Variants in CDH23 observed in about 807,000 individuals in gnomAD.
The protein encoded by CDH23 is cadherin related 23.
Under a neutral mutation model 317.1 loss-of-function variants are expected in CDH23, and 189 were observed. The ratio of observed to expected loss-of-function variants is 0.60; its 90% confidence interval spans 0.53 to 0.67. The LOEUF (loss-of-function observed/expected upper bound fraction) is 0.67. CDH23 is among the 30% of genes least tolerant of loss of function. CDH23 has a pLI of 0.00. For missense variants in CDH23, 4,401 were observed against 4,592.4 expected (o/e 0.96, Z 1.20); for synonymous variants, 1,839 against 1,876.8 (o/e 0.98, Z 0.52).
At chr10:71,591,786 T>C (rs1176445332) in intron 9 of CDH23, among the ~76,000 whole-genome samples, 1 of 152,024 alleles carries the variant, frequency 6.6e-6, no homozygotes, top group Non-Finnish European at 1.5e-5. Flanking sequence ...TGTGAAGGGC[T>C]CAGAACAGCT....
At chr10:71,401,360 C>T (rs1847774497) in intron 1 of CDH23, among the ~76,000 whole-genome samples, 2 of 152,312 alleles carry the variant, frequency 1.3e-5, no homozygotes, top group South Asian at 4.1e-4. Context: ...CTCCAGGGCA[C>T]AGGCTGCATC....
chr10:71,773,683 G>C (rs1325128098), intron 38 of CDH23, among the ~76,000 whole-genome samples: 2 of 152,198 alleles, frequency 1.3e-5, no homozygotes, highest in Non-Finnish European at 2.9e-5. Context: ...GAGCCAGCGT[G>C]CGTCCCAGCG....
At chr10:71,639,537 A>G (rs1409290276) in intron 11 of CDH23, among the ~76,000 whole-genome samples, 1 of 152,198 alleles carries the variant, frequency 6.6e-6, no homozygotes, top group Non-Finnish European at 1.5e-5. Flanking sequence ...TGTAGTGGGA[A>G]GGCCAGGAGA....
At chr10:71,767,468 CA>C (rs1203054365) in intron 38 of CDH23, among the ~76,000 whole-genome samples, 1 of 152,220 alleles carries the variant, frequency 6.6e-6, no homozygotes, top group East Asian at 1.9e-4. Flanking sequence ...GCACTAGATG[CA>C]AAAGGTCCCG....
rs568453039 is a variant in CDH23, at chr10:71,785,666, C to A, written c.5748C>A (p.Arg1916=). ...GIVTVNRPLD[R]ERIPEYKLTI... ...TCACTGTGAACCGGCCCCTGGACCGCGAGCGGATCCCAGAGTACAAGCTGA... is the reference window on the plus strand; with the variant it reads ...TCACTGTGAACCGGCCCCTGGACCGAGAGCGGATCCCAGAGTACAAGCTGA... Residue 1916 remains arginine (R), a synonymous_variant, in exon 44 of 70, where the codon CGC becomes CGA. Transcript: ENST00000224721. The A allele has an allele frequency of 6.2e-7, 1 of 1,607,380 alleles. No homozygotes were observed. Among genetic ancestry groups the A allele is most frequent in the Admixed American group, 1.7e-5 (1 of 59,314 alleles).
intron 24 of CDH23, among the ~76,000 whole-genome samples, chr10:71,703,334 G>C (rs560809358): frequency 2.2e-4 from 34 of 152,338 alleles, no homozygotes; most frequent in African/African-American, 7.9e-4. Flanking sequence ...TTAAGAGCAT[G>C]GGCCGTGGAG....
intron 3 of CDH23, among the ~76,000 whole-genome samples, chr10:71,454,840 A>ATT (rs1218063298): frequency 1.0e-5 from 1 of 98,662 alleles, no homozygotes; most frequent in African/African-American, 4.2e-5. Flanking sequence ...TTTTTTTTAC[A>ATT]TTTTATTTTT....
intron 38 of CDH23, among the ~76,000 whole-genome samples, chr10:71,744,664 C>G (rs562447060): frequency 4.6e-5 from 7 of 152,290 alleles, no homozygotes; most frequent in African/African-American, 1.7e-4. Flanking sequence ...CATACCAGCT[C>G]CCCGGTGAGA....
At chr10:71,656,546 A>G (rs929544428) in intron 14 of CDH23, among the ~76,000 whole-genome samples, 1 of 152,218 alleles carries the variant, frequency 6.6e-6, no homozygotes, top group Non-Finnish European at 1.5e-5. Flanking sequence ...AAGGAATTTC[A>G]GAGCCCATGG....
rs754128851 is a variant in CDH23, at chr10:71,725,386, A to G, written c.3445A>G (p.Asn1149Asp). The G allele has an allele frequency of 1.8e-5, 29 of 1,613,888 alleles. No individual in the cohort carries two copies. The highest frequency in any genetic ancestry group is 1.4e-5 in the Non-Finnish European group (16 of 1,179,894). Reference sequence around the variant, plus strand: ...CCTCCACACAGGTAACCATGGCAACAACTTCCGGATCCATGTCAGCAATGG... The same window carrying G: ...CCTCCACACAGGTAACCATGGCAACGACTTCCGGATCCATGTCAGCAATGG... The part of the protein sequence containing the change: ...YRILHGNHGN[N>D]FRIHVSNGLL... The change falls in exon 30 of 70, where the codon AAC (asparagine) becomes GAC (aspartate). Residue 1149 changes from asparagine (N) to aspartate (D), a missense_variant. By Grantham distance (23) the Asn-to-Asp change is conservative. Around this residue, in one of 3 missense-constraint regions of CDH23, gnomAD observed 3,068 missense variants for 3,203.3 expected, o/e 0.96. Coordinates refer to ENST00000224721, the MANE Select transcript of CDH23 (RefSeq NM_022124.6).
At position 71,812,884 on chromosome 10, in the gene CDH23, A is replaced by G. The variant is rs1005330729; in HGVS notation, c.9627A>G (p.Pro3209=). The G allele has an allele frequency of 4.3e-6, 7 of 1,613,442 alleles. No individual in the cohort carries two copies. Among genetic ancestry groups the G allele is most frequent in the Middle Eastern group, 1.6e-4 (1 of 6,062 alleles). Residue 3209 remains proline (P), a synonymous_variant, in exon 68 of 70, where the codon CCA becomes CCG. Coordinates refer to ENST00000224721, the MANE Select transcript of CDH23 (RefSeq NM_022124.6). ...TGGGCCAGATCATTCGTGAGGGGCC[A>G]ATCAAGGTGAGCCTTCCCTGCAGGC... The part of the protein sequence containing the change: ...AKLGQIIREG[P]IKGSLLKVVL...
At chr10:71,774,049 GCGCACA>G (rs1256332154) in intron 38 of CDH23, among the ~76,000 whole-genome samples, 4,971 of 145,482 alleles carry the variant, frequency 0.034, 96 homozygotes, top group African/African-American at 0.051. Flanking sequence ...GCATGCGCGC[GCGCACA>G]CACACACACA....
intron 6 of CDH23, among the ~76,000 whole-genome samples, chr10:71,531,618 G>C (rs1480472926): frequency 6.6e-6 from 1 of 152,146 alleles, no homozygotes; most frequent in East Asian, 1.9e-4. Flanking sequence ...CTAGGGTAGG[G>C]ATGGGGAGCC....
chr10:71,556,681 A>G (rs1182170276), intron 6 of CDH23, among the ~76,000 whole-genome samples: 2 of 152,328 alleles, frequency 1.3e-5, no homozygotes, highest in East Asian at 1.9e-4. Flanking sequence ...ACCTTTATCA[A>G]AGTAATATAT....
At chr10:71,617,582 C>A (rs1861261028) in intron 11 of CDH23, 189 bp downstream of exon 11, 1 of 1,406,582 alleles carries the variant, frequency 7.1e-7, no homozygotes, top group Non-Finnish European at 9.3e-7. Context: ...ATCCCCTACA[C>A]CCTGCAAAAA....
intron 3 of CDH23, among the ~76,000 whole-genome samples, chr10:71,462,002 G>A (rs944665618): frequency 3.3e-5 from 5 of 152,336 alleles, no homozygotes; most frequent in Admixed American, 6.5e-5. Flanking sequence ...TCCATCACCC[G>A]CCTGGTCAGC....
rs727502929 is a variant in CDH23, at chr10:71,798,370, C to T, written c.6846C>T (p.Asn2282=). The part of the protein sequence containing the change: ...VSVPNAKLTV[N]VLDVNDNTPQ... ...CCACCACAGCCAAGCTGACTGTCAA[C>T]GTCCTGGACGTCAATGACAATACGC... is the stretch of plus-strand genomic sequence containing the variant. The change falls in exon 50 of 70, where the codon AAC becomes AAT. Residue 2282 remains asparagine, a synonymous_variant. Transcript: ENST00000224721. 3.1e-6 allele frequency: 5 copies of T among 1,613,682 alleles called. No individual in the cohort carries two copies. Among genetic ancestry groups the T allele is most frequent in the South Asian group, 1.1e-5 (1 of 91,082 alleles).
chr10:71,465,330 A>C (rs913591900), intron 3 of CDH23, among the ~76,000 whole-genome samples: 1 of 152,264 alleles, frequency 6.6e-6, no homozygotes, highest in African/African-American at 2.4e-5. Context: ...GGGGGCAGGC[A>C]GCCCCTGAAG....
At chr10:71,581,562 T>A (rs10999897) in intron 9 of CDH23, among the ~76,000 whole-genome samples, 8,490 of 152,314 alleles carry the variant, frequency 0.056, 803 homozygotes, top group African/African-American at 0.19. Flanking sequence ...CCATTACTAA[T>A]GACCCCTCTG....
Sources: gnomAD v4.1 joint callset for allele counts (sites outside exome capture counted in the v4.1 genomes callset) on GRCh38, gnomAD v4.1.1 for gene constraint, gnomAD v4.1.1 regional missense constraint, MANE v1.5 for transcripts, NCBI Gene and HGNC (gene_info 2026-07-23, HGNC 2026-07-21) for gene names.